Variants in MSANTD7 observed in about 807,000 individuals in gnomAD.
MSANTD7 encodes zinc finger and SCAN domain containing 29.
At chr10:14,844,362 C>G in the MSANTD7 span, 1 of 1,026,500 alleles carries the variant, frequency 9.7e-7, no homozygotes, top group Non-Finnish European at 1.2e-6. Context: ...GATTGGTTTA[C>G]AAGATACAGA....
the MSANTD7 span, chr10:14,845,686 C>T: frequency 1.6e-4 from 42 of 263,310 alleles, no homozygotes; most frequent in Admixed American, 5.2e-4. Flanking sequence ...CTCAGCCTCC[C>T]GAGTAGCCGG....
the MSANTD7 span, chr10:14,840,113 T>C: frequency 1.4e-6 from 2 of 1,475,254 alleles, no homozygotes; most frequent in Non-Finnish European, 9.1e-7. Context: ...GAATAAGAAA[T>C]ATTTCAAATA....
At chr10:14,838,335 T>C in the MSANTD7 span, 14 of 1,485,350 alleles carry the variant, frequency 9.4e-6, no homozygotes, top group Non-Finnish European at 1.3e-5. Flanking sequence ...GATGGGGCCG[T>C]TGGGCGGCCG....
chr10:14,846,566 A>G, the MSANTD7 span: 1 of 984,342 alleles, frequency 1.0e-6, no homozygotes, highest in East Asian at 1.1e-4. Context: ...GGTAGACCCA[A>G]CCATTACTAC....
chr10:14,844,137 G>A, the MSANTD7 span: 1 of 1,325,756 alleles, frequency 7.5e-7, no homozygotes, highest in Non-Finnish European at 9.7e-7. Context: ...TAGACAGCTG[G>A]TTCATCCTAG....
chr10:14,838,593 C>G, the MSANTD7 span: 2 of 870,646 alleles, frequency 2.3e-6, no homozygotes, highest in African/African-American at 3.5e-5. Context: ...CGAGGACACT[C>G]CGGAGCGAAG....
chr10:14,843,708 A>C, the MSANTD7 span: 4 of 1,539,628 alleles, frequency 2.6e-6, no homozygotes, highest in Non-Finnish European at 3.5e-6. Context: ...GGGAGGAAGA[A>C]AAACTGGACA....
the MSANTD7 span, chr10:14,842,674 C>G: frequency 6.5e-7 from 1 of 1,536,212 alleles, no homozygotes; most frequent in Non-Finnish European, 8.7e-7. This position sits in a 1 kb window ranked among gnomAD's most constrained non-coding sequence, Gnocchi z 5.2. Flanking sequence ...CCTCTGACGC[C>G]CCAGGGGAAG....
the MSANTD7 span, chr10:14,839,926 G>A: frequency 6.2e-7 from 1 of 1,612,760 alleles, no homozygotes; most frequent in South Asian, 1.1e-5. Flanking sequence ...TGGTGTGGTT[G>A]CAAATGATGC....
chr10:14,839,072 C>G, the MSANTD7 span, among the ~76,000 whole-genome samples: 2 of 152,328 alleles, frequency 1.3e-5, no homozygotes, highest in South Asian at 4.1e-4. Context: ...GCAAAGCTGC[C>G]TGGCTGTGAA....
At chr10:14,842,868 G>C in the MSANTD7 span, 1 of 1,476,836 alleles carries the variant, frequency 6.8e-7, no homozygotes, top group Non-Finnish European at 9.1e-7. This position sits in a 1 kb window ranked among gnomAD's most constrained non-coding sequence, Gnocchi z 5.2. Context: ...GCATGTGAAG[G>C]AGTTGGGTCC....
chr10:14,842,294 G>A, the MSANTD7 span: 2 of 1,535,708 alleles, frequency 1.3e-6, no homozygotes, highest in Admixed American at 2.0e-5. This position sits in a 1 kb window ranked among gnomAD's most constrained non-coding sequence, Gnocchi z 5.2. Context: ...AATGGCCAGT[G>A]CCAATAGCAG....
chr10:14,846,123 CTT>C, the MSANTD7 span: 4 of 969,308 alleles, frequency 4.1e-6, no homozygotes, highest in South Asian at 1.4e-4. Flanking sequence ...CATATAGACT[CTT>C]TACTTTAAAA....
chr10:14,846,372 G>A, the MSANTD7 span: 10 of 985,206 alleles, frequency 1.0e-5, no homozygotes, highest in African/African-American at 7.0e-5. Flanking sequence ...GAAGAGCATT[G>A]GAATTAATAT....
the MSANTD7 span, chr10:14,843,493 A>G: frequency 1.3e-6 from 2 of 1,550,630 alleles, no homozygotes; most frequent in Admixed American, 3.9e-5. Context: ...CCCCTGCACC[A>G]GCACCAACCG....
At chr10:14,842,220 T>A in the MSANTD7 span, 1 of 1,535,576 alleles carries the variant, frequency 6.5e-7, no homozygotes, top group Non-Finnish European at 8.7e-7. This position sits in a 1 kb window ranked among gnomAD's most constrained non-coding sequence, Gnocchi z 5.2. Flanking sequence ...ACACAGAGCT[T>A]CCCCACACCT....
chr10:14,839,888 C>T, the MSANTD7 span: 3 of 1,596,220 alleles, frequency 1.9e-6, no homozygotes, highest in Non-Finnish European at 1.7e-6. Flanking sequence ...CTATGTATTT[C>T]GTGTTTTTTT....
the MSANTD7 span, chr10:14,840,155 A>T: frequency 5.8e-6 from 8 of 1,390,496 alleles, no homozygotes; most frequent in Non-Finnish European, 7.7e-6. Context: ...TCCTGGGCAG[A>T]AGGTATGGAA....
At chr10:14,838,896 C>T in the MSANTD7 span, among the ~76,000 whole-genome samples, 3 of 152,240 alleles carry the variant, frequency 2.0e-5, no homozygotes, top group African/African-American at 4.8e-5. Flanking sequence ...GACGTCAGGG[C>T]CTCAGGATTC....
Sources: gnomAD v4.1 joint callset for allele counts (sites outside exome capture counted in the v4.1 genomes callset) on GRCh38, gnomAD v4.1.1 for gene constraint, Gnocchi (gnomAD v3.1) non-coding constraint, MANE v1.5 for transcripts, NCBI Gene and HGNC (gene_info 2026-07-23, HGNC 2026-07-21) for gene names.